Variants in NBPF11 observed in about 807,000 individuals in gnomAD.
NBPF11 encodes NBPF member 11.
Under a neutral mutation model 93.9 loss-of-function variants are expected in NBPF11, and 72 were observed. The observed-to-expected ratio is 0.77, with a 90% CI of 0.63 to 0.93. The LOEUF is 0.93. NBPF11 is among the 40% of genes least tolerant of loss of function. The pLI, the probability that NBPF11 is intolerant of heterozygous loss-of-function variation, is 0.00. For synonymous variants in NBPF11, 224 were observed against 304.9 expected, an observed-to-expected ratio of 0.73 and a Z score of 2.76; for missense variants, 705 against 802.2, an observed-to-expected ratio of 0.88 and a Z score of 1.46.
chr1:148,117,850 C>CA (rs1666933255), intron 11 of NBPF11, 64 bp from the exon 12 acceptor site: 2 of 609,248 alleles, frequency 3.3e-6, no homozygotes, highest in African/African-American at 3.9e-5. Flanking sequence ...TCAAATATTG[C>CA]AACAGAGATT....
rs1402894365 is a variant in NBPF11, at chr1:148,126,890, G to C, written c.114C>G (p.Leu38=). The C allele has an allele frequency of 2.8e-6, 4 of 1,453,210 alleles. No homozygotes were observed. The highest frequency in any genetic ancestry group is 1.1e-5 in the South Asian group (1 of 87,398). The allele number at this position is 1,453,210 out of a possible 1,614,324, so 90.0% of individuals were successfully genotyped here. A position where few individuals can be genotyped will look rare whatever the true frequency, so the allele number is the denominator to read the frequency against. ...GTTGAGTTAGAAAACATCTCTCTTT[G>C]AGGTTTCTGAACTGCTGTTTGTTCT... ...LAENKQQFRN[L]KERCFLTQLA... The change falls in exon 5 of 24, where the codon CTC becomes CTG. Residue 38 remains leucine, a synonymous_variant. Transcript: ENST00000682118.
At chr1:148,126,249 T>C (rs1669083898) in intron 5 of NBPF11, among the ~76,000 whole-genome samples, 1 of 151,994 alleles carries the variant, frequency 6.6e-6, no homozygotes, top group East Asian at 1.9e-4. Flanking sequence ...TCTGCCCGCC[T>C]CAGCCTCCCA....
At chr1:148,147,635 C>T (rs1169844017) in intron 1 of NBPF11, among the ~76,000 whole-genome samples, 2 of 152,008 alleles carry the variant, frequency 1.3e-5, no homozygotes, top group African/African-American at 4.8e-5. Context: ...ACTGGTCTGA[C>T]CTGCTCCCGC....
intron 13 of NBPF11, among the ~76,000 whole-genome samples, chr1:148,116,216 C>A (rs1283809342): frequency 6.6e-6 from 1 of 152,006 alleles, no homozygotes; most frequent in Non-Finnish European, 1.5e-5. Flanking sequence ...CTGTTCATTG[C>A]ACTGGACAGA....
rs1664483914 is a variant in NBPF11 at position 148,108,840 on chromosome 1, A to ACACACAC, written c.1854-187_1854-186insGTGTGTG. Among the ~76,000 whole-genome samples, 9 of 71,828 alleles carry ACACACAC rather than the reference A, an allele frequency of 1.3e-4. No homozygotes were observed. The South Asian group carries it at 4.9e-3, about 39-fold the overall frequency. 47.1% of individuals were successfully genotyped at this position (71,828 alleles called of 152,430 possible). A position where few individuals can be genotyped will look rare whatever the true frequency, so the allele number is the denominator to read the frequency against. ...GCCAGGTAGAAAAGGATGAAAGAGAAAGACACACACACACACACACACACA... is the reference window on the plus strand; with the variant it reads ...GCCAGGTAGAAAAGGATGAAAGAGAACACACACAGACACACACACACACACACACACA... On this transcript the variant is annotated intron_variant, in intron 17 of 23. Transcript: ENST00000682118.
At chr1:148,120,404 G>T in intron 10 of NBPF11, 97 bp downstream of exon 10, 2 of 763,230 alleles carry the variant, frequency 2.6e-6, no homozygotes, top group Non-Finnish European at 4.8e-6. Flanking sequence ...AGTATGGGGA[G>T]GATGACATTA....
At chr1:148,129,144 A>T (rs1308394356) in intron 4 of NBPF11, among the ~76,000 whole-genome samples, 2 of 108,680 alleles carry the variant, frequency 1.8e-5, no homozygotes, top group East Asian at 7.3e-4. Context: ...ATATATACAC[A>T]TGTATATATA....
intron 23 of NBPF11, 140 bp downstream of exon 23, chr1:148,104,397 C>A (rs1467810362): frequency 1.6e-6 from 1 of 632,900 alleles, no homozygotes; most frequent in Admixed American, 2.8e-5. Flanking sequence ...ACATCTACTG[C>A]AATGAAAACC....
chr1:148,124,166 C>T (rs1668537622), intron 6 of NBPF11, 99 bp from the exon 7 acceptor site: 1 of 1,107,826 alleles, frequency 9.0e-7, no homozygotes, highest in Non-Finnish European at 1.4e-6. Context: ...CTCAAGGAGA[C>T]CTTCAAGCAG....
At chr1:148,120,808 T>A in intron 9 of NBPF11, 98 bp from the exon 10 acceptor site, 3 of 926,626 alleles carry the variant, frequency 3.2e-6, no homozygotes, top group Non-Finnish European at 5.4e-6. Context: ...CCTTGTTTAC[T>A]TATTTGAAGA....
At chr1:148,103,962 A>T in intron 23 of NBPF11, 50 bp from the exon 24 acceptor site, 1 of 1,610,160 alleles carries the variant, frequency 6.2e-7, no homozygotes, top group Non-Finnish European at 8.5e-7. Context: ...ATCAGACACC[A>T]CAGAGCCCCA....
chr1:148,111,009 G>C (rs1665117335), intron 15 of NBPF11, among the ~76,000 whole-genome samples: 1 of 151,080 alleles, frequency 6.6e-6, no homozygotes, highest in African/African-American at 2.4e-5. Context: ...AAAAATACTA[G>C]CCAACATACT....
chr1:148,142,456 G>A (rs1195185333), intron 2 of NBPF11, among the ~76,000 whole-genome samples: 13 of 151,022 alleles, frequency 8.6e-5, no homozygotes, highest in Middle Eastern at 6.3e-3. Flanking sequence ...ACACCAGGCC[G>A]CAACCTTCCC....
chr1:148,107,520 A>C (rs1389390580), intron 19 of NBPF11, among the ~76,000 whole-genome samples, 191 bp downstream of exon 19: 4 of 152,384 alleles, frequency 2.6e-5, no homozygotes, highest in Non-Finnish European at 2.9e-5. Flanking sequence ...ACCTATAGTA[A>C]GTTAGTAAAT....
At chr1:148,133,712 C>G (rs1318590432) in intron 4 of NBPF11, among the ~76,000 whole-genome samples, 1 of 150,256 alleles carries the variant, frequency 6.7e-6, no homozygotes, top group East Asian at 1.9e-4. Flanking sequence ...CTGAGGCGGG[C>G]GGATCACACT....
At position 148,149,786 on chromosome 1, in the gene NBPF11, AT is replaced by A. The variant is rs1476557229; in HGVS notation, c.-549+1963del. On this transcript the variant is annotated intron_variant, in intron 1 of 23. Transcript: ENST00000682118. ...TGAAAACGGAAATTAAAGATTTAAA[AT>A]TAAAAAAAAAAAAAAGATTTAACAG... Among the ~76,000 whole-genome samples, 3 of 147,806 alleles carry A rather than the reference AT, an allele frequency of 2.0e-5. No individual in the cohort carries two copies. The South Asian group carries it at 6.4e-4, about 32-fold the overall frequency.
intron 4 of NBPF11, among the ~76,000 whole-genome samples, chr1:148,127,757 C>T (rs1312247148): frequency 0.078 from 10,095 of 130,108 alleles, no homozygotes; most frequent in Admixed American, 0.15. Flanking sequence ...ATTCTCCTGC[C>T]TCAGACTCCC....
At position 148,118,281 on chromosome 1, in the gene NBPF11, C is replaced by G. The variant is rs1369016021; in HGVS notation, c.1091+339G>C. On this transcript the variant is annotated intron_variant, in intron 11 of 23. Transcript: ENST00000682118. ...AGCCGCAGTCAGTCAGGAGGTGATT[C>G]TCACTAGGGTAAGTGGGGTGGTGAT... 7.2e-5 allele frequency among the ~76,000 whole-genome samples: 11 copies of G among 151,982 alleles called. 1 individual carries two copies. Among genetic ancestry groups the G allele is most frequent in the Admixed American group, 2.0e-4 (3 of 15,274 alleles).
At chr1:148,121,859 C>T (rs1667948656) in intron 9 of NBPF11, among the ~76,000 whole-genome samples, 196 bp downstream of exon 9, 1 of 151,872 alleles carries the variant, frequency 6.6e-6, no homozygotes. Flanking sequence ...CCAGGCTGGT[C>T]TTCAACTCCT....
Sources: gnomAD v4.1 joint callset for allele counts (sites outside exome capture counted in the v4.1 genomes callset) on GRCh38, gnomAD v4.1.1 for gene constraint, MANE v1.5 for transcripts, NCBI Gene and HGNC (gene_info 2026-07-23, HGNC 2026-07-21) for gene names.